The following JADE1 variants were observed in gnomAD, a reference collection of about 807,000 sequenced individuals.
JADE1 encodes jade family PHD finger 1, also known as protein Jade-1.
JADE1 carries 14 observed loss-of-function variants against 81.8 expected under a neutral mutation model. That is an observed-to-expected ratio of 0.17 (90% CI 0.11 to 0.27). The LOEUF is 0.27. Ranked by LOEUF, JADE1 falls within the 10% of genes least tolerant of loss-of-function variation. JADE1 has a pLI of 1.00. For missense variants in JADE1, 690 were observed against 1,047.9 expected (o/e 0.66, Z 4.71); for synonymous variants, 353 against 391.9 (o/e 0.90, Z 1.17).
chr4:128,837,761 A>G (rs1443493729), intron 2 of JADE1, among the ~76,000 whole-genome samples: 1 of 152,220 alleles, frequency 6.6e-6, no homozygotes, highest in Non-Finnish European at 1.5e-5. Flanking sequence ...TACTTTGTTA[A>G]GCTGGTTTAA....
chr4:128,847,187 A>G (rs11724119), intron 4 of JADE1, among the ~76,000 whole-genome samples: 84,460 of 151,978 alleles, frequency 0.56, 24,280 homozygotes, highest in South Asian at 0.66. Flanking sequence ...TCACTGTGCC[A>G]CTCTGTGCCA....
chr4:128,813,010 C>A (rs927081195), intron 1 of JADE1, among the ~76,000 whole-genome samples: 1 of 152,228 alleles, frequency 6.6e-6, no homozygotes, highest in African/African-American at 2.4e-5. Context: ...TAATACCCGC[C>A]ATGAAGGCTA....
At chr4:128,868,946 C>T (rs1201087861) in intron 10 of JADE1, among the ~76,000 whole-genome samples, 1 of 152,058 alleles carries the variant, frequency 6.6e-6, no homozygotes, top group Non-Finnish European at 1.5e-5. Flanking sequence ...TTGATTCACT[C>T]TTGTTTTTGT....
intron 3 of JADE1, among the ~76,000 whole-genome samples, chr4:128,845,677 G>A (rs1182645465): frequency 1.3e-5 from 2 of 152,110 alleles, no homozygotes; most frequent in Non-Finnish European, 2.9e-5. Context: ...CACTTTGGGT[G>A]GCCGAGGCAG....
chr4:128,838,440 T>C (rs1398835430), intron 2 of JADE1, among the ~76,000 whole-genome samples: 2 of 152,212 alleles, frequency 1.3e-5, no homozygotes, highest in Non-Finnish European at 2.9e-5. Context: ...ACTCCTTTCC[T>C]GAAAGCGAAA....
At chr4:128,863,659 C>T (rs1405323967) in intron 9 of JADE1, 1 of 985,270 alleles carries the variant, frequency 1.0e-6, no homozygotes, top group Non-Finnish European at 1.2e-6. Context: ...TTTTGTGCTC[C>T]CATACGCCCC....
intron 1 of JADE1, among the ~76,000 whole-genome samples, chr4:128,828,706 T>C (rs907091827): frequency 6.6e-6 from 1 of 152,238 alleles, no homozygotes; most frequent in Non-Finnish European, 1.5e-5. Flanking sequence ...GTTCTTTATT[T>C]AGTGACTGTT....
chr4:128,813,227 A>G lies in JADE1; in HGVS notation c.-27+3350A>G, dbSNP rs1308331856. ...GAAAGGTGGAGAAAGGAAGCATTCA[A>G]TATGTCCATACTTGCATTGAGTCAA... is the stretch of plus-strand genomic sequence containing the variant. On this transcript the variant is annotated intron_variant, in intron 1 of 10. Coordinates refer to ENST00000226319, the MANE Select transcript of JADE1 (RefSeq NM_199320.4). Among the ~76,000 whole-genome samples the G allele has an allele frequency of 3.9e-5, 6 of 152,184 alleles. No individual in the cohort carries two copies. The East Asian group carries it at 7.7e-4, about 19-fold the overall frequency.
chr4:128,841,624 C>G (rs568950115), intron 2 of JADE1, among the ~76,000 whole-genome samples: 24 of 152,206 alleles, frequency 1.6e-4, no homozygotes, highest in East Asian at 5.8e-4. Flanking sequence ...TAAGGAATAC[C>G]TTAGGATTGA....
chr4:128,851,466 A>G (rs978563910), intron 5 of JADE1, among the ~76,000 whole-genome samples: 2 of 152,208 alleles, frequency 1.3e-5, no homozygotes, highest in African/African-American at 4.8e-5. Context: ...CTTATTCAAC[A>G]ATGTATGTAT....
chr4:128,831,627 C>G, intron 1 of JADE1, 106 bp from the exon 2 acceptor site: 1 of 874,446 alleles, frequency 1.1e-6, no homozygotes, highest in Non-Finnish European at 1.9e-6. Context: ...TACTTAAAGC[C>G]ATTTGTTTGC....
At position 128,873,760 on chromosome 4, in the gene JADE1, T is replaced by A. The variant is rs1484928483; in HGVS notation, c.*1498T>A. On this transcript the variant is annotated 3_prime_UTR_variant, in exon 11 of 11. Coordinates refer to ENST00000226319, the MANE Select transcript of JADE1 (RefSeq NM_199320.4). ...ACCAGTATTCAGATTCCTGATTCAT[T>A]TATACATCTGTTTCCATATGGCAGG... is the stretch of plus-strand genomic sequence containing the variant. The A allele has an allele frequency of 6.6e-6, 1 of 152,470 alleles. No individual in the cohort carries two copies. The highest frequency in any genetic ancestry group is 2.4e-5 in the African/African-American group (1 of 41,452). 9.4% of individuals were successfully genotyped at this position (152,470 alleles called of 1,614,324 possible).
intron 1 of JADE1, among the ~76,000 whole-genome samples, chr4:128,813,402 G>T (rs532423472): frequency 7.6e-6 from 1 of 131,020 alleles, no homozygotes; most frequent in Admixed American, 8.7e-5. Context: ...ATTTACTTAC[G>T]GTCACTTTTT....
intron 8 of JADE1, 124 bp from the exon 9 acceptor site, chr4:128,861,580 T>G: frequency 9.1e-7 from 1 of 1,094,180 alleles, no homozygotes; most frequent in South Asian, 1.5e-5. Context: ...TTTCCTGTCA[T>G]GGCACATGCT....
intron 1 of JADE1, among the ~76,000 whole-genome samples, chr4:128,822,147 C>T (rs1464583127): frequency 6.6e-6 from 1 of 152,094 alleles, no homozygotes; most frequent in Non-Finnish European, 1.5e-5. Flanking sequence ...TGGTGCTTTG[C>T]ACTGGGGCAA....
At chr4:128,811,768 C>T (rs1468539694) in intron 1 of JADE1, 2 of 149,526 alleles carry the variant, frequency 1.3e-5, no homozygotes, top group African/African-American at 4.9e-5. Context: ...CGCGCCGGTT[C>T]CGGCGGGCGG....
intron 7 of JADE1, among the ~76,000 whole-genome samples, chr4:128,856,450 G>A (rs1300348141): frequency 1.3e-5 from 2 of 152,090 alleles, no homozygotes; most frequent in Admixed American, 1.3e-4. Context: ...CTGTGGCCTG[G>A]GTGTGTCATT....
chr4:128,814,457 T>C (rs1726801766), intron 1 of JADE1, among the ~76,000 whole-genome samples: 1 of 152,160 alleles, frequency 6.6e-6, no homozygotes, highest in Non-Finnish European at 1.5e-5. Flanking sequence ...AACAAATTGC[T>C]ACCATCCATA....
chr4:128,836,445 T>A (rs1393861300), intron 2 of JADE1, among the ~76,000 whole-genome samples: 1 of 151,970 alleles, frequency 6.6e-6, no homozygotes, highest in Non-Finnish European at 1.5e-5. Flanking sequence ...TAGATAATCA[T>A]AAAGGTCTTC....
Sources: allele counts gnomAD v4.1 joint callset (sites outside exome capture counted in the v4.1 genomes callset), GRCh38; gene constraint gnomAD v4.1.1; transcripts MANE v1.5; gene names NCBI Gene and HGNC (gene_info 2026-07-23, HGNC 2026-07-21).